The following AQP9 variants were observed in gnomAD, a reference collection of about 807,000 sequenced individuals.
AQP9 encodes the protein aquaporin-9.
In AQP9, 19 loss-of-function variants were observed where a neutral mutation model predicts 23.8. The ratio of observed to expected loss-of-function variants is 0.80; its 90% confidence interval spans 0.56 to 1.17. AQP9 has a LOEUF of 1.17. AQP9 is among the 50% of genes most tolerant of loss of function. The pLI is 0.00. For missense variants in AQP9, 413 were observed against 362.0 expected (o/e 1.14, Z -1.14); for synonymous variants, 153 against 131.5 (o/e 1.16, Z -1.12).
At chr15:58,163,262 TCTTCTTGAGGAGG>T (rs1401638699) in intron 1 of AQP9, among the ~76,000 whole-genome samples, 16 of 152,314 alleles carry the variant, frequency 1.1e-4, no homozygotes, top group Non-Finnish European at 2.1e-4. Context: ...CTTTTCTAAT[TCTTCTTGAGGAGG>T]CAGCTAGATT....
Position 58,145,519 on chromosome 15 carries a change from A to G in AQP9, c.111+6843A>G, listed in dbSNP as rs1305325540. 2.6e-5 allele frequency among the ~76,000 whole-genome samples: 4 copies of G among 151,860 alleles called. No homozygotes were observed. The East Asian group carries it at 7.7e-4, about 29-fold the overall frequency. ...AAAAAAAAATTACCCATATATATAT[A>G]TATTTTTTAACTTAAAGTAAATCAA... is the stretch of plus-strand genomic sequence containing the variant. On this transcript the variant is annotated intron_variant, in intron 1 of 5. Coordinates refer to ENST00000219919, the MANE Select transcript of AQP9 (RefSeq NM_020980.5).
At chr15:58,176,876 T>C (rs540874656) in intron 4 of AQP9, among the ~76,000 whole-genome samples, 6 of 152,280 alleles carry the variant, frequency 3.9e-5, no homozygotes, top group Non-Finnish European at 7.4e-5. Context: ...CCCAAAGCTG[T>C]ATCTTGATCA....
In AQP9 at chr15:58,184,459, TG is replaced by T. The variant is rs1238744740; in HGVS notation, c.*327del. On this transcript the variant is annotated 3_prime_UTR_variant, in exon 6 of 6. Coordinates refer to ENST00000219919, the MANE Select transcript of AQP9 (RefSeq NM_020980.5). ...TCGGCATCTTGACGATAGTCCCATTTGGGTGGTTTCAGCTGCACTATCTGTA... is the reference window on the plus strand; with the variant it reads ...TCGGCATCTTGACGATAGTCCCATTTGGTGGTTTCAGCTGCACTATCTGTA... 1 of 231,900 alleles carries T rather than the reference TG, an allele frequency of 4.3e-6. No individual in the cohort carries two copies. The highest frequency in any genetic ancestry group is 8.4e-6 in the Non-Finnish European group (1 of 118,808). The allele number at this position is 231,900 out of a possible 1,614,324, so 14.4% of individuals were successfully genotyped here.
chr15:58,182,388 C>T (rs944689039), intron 5 of AQP9, among the ~76,000 whole-genome samples: 1 of 152,106 alleles, frequency 6.6e-6, no homozygotes, highest in African/African-American at 2.4e-5. Flanking sequence ...CACATCTGAG[C>T]GCCTCCATTT....
intron 1 of AQP9, among the ~76,000 whole-genome samples, chr15:58,164,573 G>T (rs1244623830): frequency 2.0e-5 from 3 of 152,188 alleles, no homozygotes; most frequent in Non-Finnish European, 2.9e-5. Context: ...GAAATTGTTA[G>T]GCTATAAAAT....
At chr15:58,150,754 C>G (rs1385945597) in intron 1 of AQP9, 1 of 152,150 alleles carries the variant, frequency 6.6e-6, no homozygotes, top group African/African-American at 2.4e-5. Context: ...ACTCATTAAC[C>G]TCTGGCCACC....
In AQP9 at chr15:58,171,714, G is replaced by A. The variant is rs551673246; in HGVS notation, c.239-1354G>A. Reference sequence around the variant, plus strand: ...AAGGACTCTTGTGGCTTAGCCAGCAGCCAGAATCCCCCACCCACTGCAAGT... The same window carrying A: ...AAGGACTCTTGTGGCTTAGCCAGCAACCAGAATCCCCCACCCACTGCAAGT... On this transcript the variant is annotated intron_variant, in intron 2 of 5. Transcript: ENST00000219919. Among the ~76,000 whole-genome samples, 15 of 152,332 alleles carry A rather than the reference G, an allele frequency of 9.8e-5. No homozygotes were observed. In the South Asian group the frequency reaches 2.9e-3, roughly 29 times the overall value.
chr15:58,143,730 G>A (rs1897991129), intron 1 of AQP9, among the ~76,000 whole-genome samples: 1 of 152,084 alleles, frequency 6.6e-6, no homozygotes, highest in African/African-American at 2.4e-5. Context: ...TTGGGAACAT[G>A]TATGACTGGT....
intron 2 of AQP9, among the ~76,000 whole-genome samples, chr15:58,169,123 G>A (rs751306017): frequency 6.6e-6 from 1 of 152,212 alleles, no homozygotes; most frequent in Non-Finnish European, 1.5e-5. Flanking sequence ...AAGGTGTGAA[G>A]TCTTCTGTGG....
rs781504497 is a variant in AQP9, at chr15:58,173,078, C to G, written c.249C>G (p.Ile83Met). 1 of 1,614,026 alleles carries G rather than the reference C, an allele frequency of 6.2e-7. No individual in the cohort carries two copies. Among genetic ancestry groups the G allele is most frequent in the African/African-American group, 1.3e-5 (1 of 75,054 alleles). Residue 83 changes from isoleucine (I) to methionine (M), a missense_variant, in exon 3 of 6, where the codon ATC (isoleucine) becomes ATG (methionine). By Grantham distance (10) the Ile-to-Met change is conservative. Coordinates refer to ENST00000219919, the MANE Select transcript of AQP9 (RefSeq NM_020980.5). ...AATCTTCCCTTGCAGGTGGTCACAT[C>G]AACCCAGCTGTGTCTTTAGCAATGT... ...YVAGGVSGGH[I>M]NPAVSLAMCL... is the part of the protein sequence containing the mutation.
chr15:58,145,268 C>T (rs1299198161), intron 1 of AQP9, among the ~76,000 whole-genome samples: 36 of 151,700 alleles, frequency 2.4e-4, no homozygotes, highest in Admixed American at 2.0e-3. Context: ...TTTGGGAGGC[C>T]GAGGCAGGTG....
In AQP9 at chr15:58,173,204, T is replaced by C. The variant is rs1431106762; in HGVS notation, c.375T>C (p.Tyr125=). The change falls in exon 3 of 6, where the codon TAT becomes TAC. Residue 125 remains tyrosine (Y), a splice_region_variant and synonymous_variant. Coordinates refer to ENST00000219919, the MANE Select transcript of AQP9 (RefSeq NM_020980.5). ...VGAATVFGIY[Y]DGLMSFAGGK... ...CTGCAACCGTCTTTGGCATTTACTA[T>C]GGTGAGTAAAGTCCCTGAGTCCTAA... The C allele has an allele frequency of 6.2e-7, 1 of 1,614,110 alleles. No individual in the cohort carries two copies. Among genetic ancestry groups the C allele is most frequent in the East Asian group, 2.2e-5 (1 of 44,884 alleles).
chr15:58,160,614 T>C (rs1898356782), intron 1 of AQP9, among the ~76,000 whole-genome samples: 1 of 149,968 alleles, frequency 6.7e-6, no homozygotes. Flanking sequence ...AATAAATTTG[T>C]ATGGTTTTCC....
chr15:58,177,504 A>T (rs1182270067), intron 4 of AQP9, among the ~76,000 whole-genome samples: 1 of 152,232 alleles, frequency 6.6e-6, no homozygotes, highest in Non-Finnish European at 1.5e-5. Flanking sequence ...TTTAATATTA[A>T]TTAAAAATTA....
At chr15:58,171,106 T>A (rs1442519463) in intron 2 of AQP9, among the ~76,000 whole-genome samples, 1 of 150,540 alleles carries the variant, frequency 6.6e-6, no homozygotes, top group East Asian at 2.0e-4. Context: ...TTTTTTTTTT[T>A]GAGACGGAGT....
At chr15:58,142,910 C>G (rs1267828128) in intron 1 of AQP9, among the ~76,000 whole-genome samples, 1 of 152,182 alleles carries the variant, frequency 6.6e-6, no homozygotes, top group African/African-American at 2.4e-5. Context: ...CCCCTACTGT[C>G]AGCAGTGCCC....
chr15:58,139,788 C>G (rs1180654866), intron 1 of AQP9, among the ~76,000 whole-genome samples: 1 of 152,092 alleles, frequency 6.6e-6, no homozygotes, highest in African/African-American at 2.4e-5. Flanking sequence ...CACATTAGAC[C>G]AGATTCGTTA....
chr15:58,163,337 AG>A (rs1161877936), intron 1 of AQP9, among the ~76,000 whole-genome samples: 1 of 152,198 alleles, frequency 6.6e-6, no homozygotes, highest in Admixed American at 6.5e-5. Context: ...AAAAGTCTGT[AG>A]GCCTGCAGAG....
At chr15:58,182,622 C>T (rs570141930) in intron 5 of AQP9, among the ~76,000 whole-genome samples, 1 of 152,300 alleles carries the variant, frequency 6.6e-6, no homozygotes, top group East Asian at 1.9e-4. Context: ...ACGGGAGAGG[C>T]AGCCACCCTC....
Sources: allele counts gnomAD v4.1 joint callset (sites outside exome capture counted in the v4.1 genomes callset), GRCh38; gene constraint gnomAD v4.1.1; transcripts MANE v1.5; gene names NCBI Gene and HGNC (gene_info 2026-07-23, HGNC 2026-07-21).